GLDN: variants seen among roughly 807,000 people sequenced by gnomAD.
The protein encoded by GLDN is collomin.
GLDN carries 47 observed loss-of-function variants against 56.5 expected under a neutral mutation model. That is an observed-to-expected ratio of 0.83 (90% CI 0.66 to 1.06). The LOEUF (loss-of-function observed/expected upper bound fraction) is 1.06, where lower values mean the gene tolerates loss of function less well. Ranked by LOEUF, GLDN falls within the 50% of genes least tolerant of loss-of-function variation. The pLI is 0.00. For missense variants in GLDN, 782 were observed against 714.3 expected, an observed-to-expected ratio of 1.09 and a Z score of -1.08; for synonymous variants, 332 against 278.8, an observed-to-expected ratio of 1.19 and a Z score of -1.90.
At chr15:51,345,677 C>T (rs2036964462) in intron 1 of GLDN, among the ~76,000 whole-genome samples, 2 of 152,112 alleles carry the variant, frequency 1.3e-5, no homozygotes, top group South Asian at 4.1e-4. Flanking sequence ...GGAGATGGTC[C>T]TACTAAAATC....
rs2038364559 is a variant in GLDN, at chr15:51,405,690, C to A, written c.*936C>A. ...CTCCTGTGGATCCACTATCAAAGTA[C>A]TAAATGCTGTGTAAGTAGACGTTAA... On this transcript the variant is annotated 3_prime_UTR_variant, in exon 10 of 10. Transcript: ENST00000335449. 2 of 152,190 alleles carry A rather than the reference C, an allele frequency of 1.3e-5. No individual in the cohort carries two copies. The highest frequency in any genetic ancestry group is 4.8e-5 in the African/African-American group (2 of 41,440). The allele number at this position is 152,190 out of a possible 1,614,324, so 9.4% of individuals were successfully genotyped here.
intron 4 of GLDN, among the ~76,000 whole-genome samples, chr15:51,389,116 C>A (rs1386858292): frequency 6.6e-6 from 1 of 152,216 alleles, no homozygotes; most frequent in Non-Finnish European, 1.5e-5. Flanking sequence ...CTGGGCAAGT[C>A]ACTCCAAGAT....
At chr15:51,403,482 G>C (rs537376966) in intron 9 of GLDN, among the ~76,000 whole-genome samples, 1 of 152,252 alleles carries the variant, frequency 6.6e-6, no homozygotes, top group East Asian at 1.9e-4. Context: ...TTTTCTTTTA[G>C]CCTAATGTTC....
At chr15:51,351,582 C>G (rs1171408462) in intron 1 of GLDN, among the ~76,000 whole-genome samples, 1 of 152,196 alleles carries the variant, frequency 6.6e-6, no homozygotes, top group Non-Finnish European at 1.5e-5. Flanking sequence ...TCCTTCAAAG[C>G]CAAGGGCTGG....
chr15:51,402,846 C>T (rs1036320326), intron 9 of GLDN, among the ~76,000 whole-genome samples: 2 of 151,752 alleles, frequency 1.3e-5, no homozygotes, highest in African/African-American at 4.8e-5. Context: ...CTACATGACA[C>T]CCCCATCATC....
chr15:51,412,398 G>A (rs1309257422), downstream of GLDN, among the ~76,000 whole-genome samples: 2 of 152,104 alleles, frequency 1.3e-5, no homozygotes, highest in Admixed American at 1.3e-4. Flanking sequence ...CTGTTTTTTT[G>A]TCTTTTGGTC....
intron 9 of GLDN, 27 bp downstream of exon 9, chr15:51,401,770 C>A: frequency 6.2e-7 from 1 of 1,604,386 alleles, no homozygotes; most frequent in Non-Finnish European, 8.5e-7. Flanking sequence ...CACCTTCTCA[C>A]GCCTCTCAGG....
At chr15:51,366,996 A>T (rs1017539565) in intron 1 of GLDN, among the ~76,000 whole-genome samples, 1 of 152,240 alleles carries the variant, frequency 6.6e-6, no homozygotes, top group Non-Finnish European at 1.5e-5. Context: ...TGTTTTTATA[A>T]GGACTTCTTA....
intron 1 of GLDN, among the ~76,000 whole-genome samples, chr15:51,355,953 A>G (rs2037174351): frequency 6.7e-6 from 1 of 148,764 alleles, no homozygotes; most frequent in Admixed American, 6.7e-5. Context: ...CACGCCTGTA[A>G]TCCCAACACT....
chr15:51,401,814 TA>T (rs1326635551), intron 9 of GLDN, 71 bp downstream of exon 9: 50 of 1,382,432 alleles, frequency 3.6e-5, no homozygotes, highest in Middle Eastern at 2.1e-4. Context: ...TGTGAGCAAT[TA>T]GGGGTAGGGA....
At chr15:51,354,949 G>A (rs1012005447) in intron 1 of GLDN, among the ~76,000 whole-genome samples, 6 of 152,202 alleles carry the variant, frequency 3.9e-5, no homozygotes, top group African/African-American at 1.2e-4. Flanking sequence ...GTATGGCTAA[G>A]ATAATGGCAT....
intron 5 of GLDN, among the ~76,000 whole-genome samples, chr15:51,395,321 A>G (rs2038103585): frequency 6.6e-6 from 1 of 152,240 alleles, no homozygotes; most frequent in East Asian, 1.9e-4. Flanking sequence ...CTCAGAGGAC[A>G]ACTGACAGGA....
intron 1 of GLDN, among the ~76,000 whole-genome samples, chr15:51,355,798 C>CA (rs1463555577): frequency 6.7e-6 from 1 of 150,102 alleles, no homozygotes; most frequent in Admixed American, 6.6e-5. Flanking sequence ...GCTGGGATTA[C>CA]AGGCGTGAGC....
chr15:51,376,938 GT>G (rs1489778107), intron 1 of GLDN, among the ~76,000 whole-genome samples: 2 of 152,056 alleles, frequency 1.3e-5, no homozygotes, highest in Non-Finnish European at 2.9e-5. Context: ...CTGTTTTACA[GT>G]TAACTTTTTT....
chr15:51,354,962 G>A (rs1032304580), intron 1 of GLDN, among the ~76,000 whole-genome samples: 2 of 152,170 alleles, frequency 1.3e-5, no homozygotes, highest in African/African-American at 2.4e-5. Context: ...AATGGCATTG[G>A]AAATGAAGAA....
intron 1 of GLDN, among the ~76,000 whole-genome samples, chr15:51,363,221 T>C (rs1432626523): frequency 6.6e-6 from 1 of 152,190 alleles, no homozygotes; most frequent in East Asian, 1.9e-4. Flanking sequence ...CTAAGCATGA[T>C]ATTATTCATT....
chr15:51,400,218 G>A lies in GLDN; in HGVS notation c.844G>A (p.Asp282Asn). 6.2e-7 allele frequency: 1 copy of A among 1,614,146 alleles called. No homozygotes were observed. Among genetic ancestry groups the A allele is most frequent in the Non-Finnish European group, 8.5e-7 (1 of 1,180,004 alleles). ...PGETCAIPND[D>N]TLVGKADEKA... ...TGAGACTTGTGCCATACCAAATGAT[G>A]ATACCTTGGTTGGAAAAGCTGATGA... Residue 282 changes from aspartate to asparagine, a missense_variant, in exon 7 of 10, where the codon GAT becomes AAT. Physicochemically the swap from Asp to Asn is conservative, Grantham distance 23. Transcript: ENST00000335449.
downstream of GLDN, among the ~76,000 whole-genome samples, chr15:51,411,480 A>G (rs887315015): frequency 5.3e-5 from 8 of 152,230 alleles, no homozygotes; most frequent in African/African-American, 1.9e-4. Flanking sequence ...GTAAAGGGGA[A>G]ATTCAAAGAT....
downstream of GLDN, among the ~76,000 whole-genome samples, chr15:51,408,247 C>T (rs1457251877): frequency 6.6e-6 from 1 of 152,152 alleles, no homozygotes; most frequent in Non-Finnish European, 1.5e-5. Context: ...GACATAAATG[C>T]AATCAAGCTT....
Sources: allele counts gnomAD v4.1 joint callset (sites outside exome capture counted in the v4.1 genomes callset), GRCh38; gene constraint gnomAD v4.1.1; transcripts MANE v1.5; gene names NCBI Gene and HGNC (gene_info 2026-07-23, HGNC 2026-07-21).